Variants in MVP observed in about 807,000 individuals in gnomAD.
MVP encodes major vault protein, also known as lung resistance-related protein.
MVP carries 62 observed loss-of-function variants against 83.5 expected under a neutral mutation model. That is an observed-to-expected ratio of 0.74 (90% confidence interval 0.61 to 0.92). The LOEUF is 0.92. Among genes scored for constraint, MVP ranks in the 40% least tolerant of loss-of-function variants. MVP has a pLI of 0.00. For missense variants in MVP, 1,000 were observed against 1,203.4 expected, an observed-to-expected ratio of 0.83 and a Z score of 2.50; for synonymous variants, 505 against 504.1, an observed-to-expected ratio of 1.00 and a Z score of -0.02.
Position 29,836,973 on chromosome 16 carries a change from C to T in MVP, c.909+15C>T, listed in dbSNP as rs761488821. ...GCGTGGTCAAGGTGAGGTCCCTACA[C>T]CCCCACAGAGGACTGCCCTGGGAGA... On this transcript the variant is annotated intron_variant, in intron 7 of 14. Transcript: ENST00000357402. 2.5e-6 allele frequency: 4 copies of T among 1,597,868 alleles called. No homozygotes were observed. Among genetic ancestry groups the T allele is most frequent in the East Asian group, 4.5e-5 (2 of 44,644 alleles).
intron 6 of MVP, among the ~76,000 whole-genome samples, 187 bp downstream of exon 6, chr16:29,835,985 G>A (rs2067483668): frequency 6.6e-6 from 1 of 152,090 alleles, no homozygotes; most frequent in Non-Finnish European, 1.5e-5. Flanking sequence ...TCTTTCTGGG[G>A]CTGGGCGCAA....
At chr16:29,836,577 TAAA>T (rs35835626) in intron 6 of MVP, 142 bp from the exon 7 acceptor site, 90 of 578,454 alleles carry the variant, frequency 1.6e-4, no homozygotes, top group South Asian at 2.4e-4. Context: ...GACTCCGATT[TAAA>T]AAAAAAAAAA....
At position 29,830,686 on chromosome 16, in the gene MVP, G is replaced by A. The variant is rs755083337; in HGVS notation, c.125+12G>A. 9.9e-6 allele frequency: 16 copies of A among 1,613,510 alleles called. No individual in the cohort carries two copies. The Admixed American group carries it at 1.5e-4, about 15-fold the overall frequency. On this transcript the variant is annotated intron_variant, in intron 2 of 14. Transcript: ENST00000357402. ...CAGGACAATGAGAGGTGGGTGTGGG[G>A]GCTGGGCTGTGGGGGATCCTTGGGG...
rs1018523240 is a variant in MVP, at chr16:29,841,207, C to T, written c.1192-389C>T. ...CCAGCTTGGAATCCGAGGGAGCATC[C>T]GTGTACACAGCCTACTTCACCATCC... On this transcript the variant is annotated intron_variant, in intron 8 of 14. Coordinates refer to ENST00000357402, the MANE Select transcript of MVP (RefSeq NM_005115.5). This position sits in a 1 kb window ranked among gnomAD's most constrained non-coding sequence, Gnocchi z 4.7. Among the ~76,000 whole-genome samples the T allele has an allele frequency of 1.3e-5, 2 of 152,100 alleles. No homozygotes were observed. Among genetic ancestry groups the T allele is most frequent in the African/African-American group, 2.4e-5 (1 of 41,406 alleles).
intron 2 of MVP, 78 bp downstream of exon 2, chr16:29,830,752 C>T: frequency 6.3e-7 from 1 of 1,582,112 alleles, no homozygotes; most frequent in East Asian, 2.2e-5. Context: ...TCCTTATCCT[C>T]CTCCCTCTTC....
chr16:29,826,337 G>C (rs569888072), intron 1 of MVP, among the ~76,000 whole-genome samples: 28 of 152,192 alleles, frequency 1.8e-4, no homozygotes, highest in Non-Finnish European at 3.2e-4. Context: ...TGAGAGCCAA[G>C]ATCCAGGCAT....
rs138970547 is a variant in MVP at position 29,835,747 on chromosome 16, G to A, written c.621G>A (p.Ala207=). ...LVTTVGAYLP[A]VFEEVLDLVD... ...CCACAGTAGGGGCGTACCTCCCAGCGGTGTTTGAGGAGGTTCTGGATTTGG... is the reference window on the plus strand; with the variant it reads ...CCACAGTAGGGGCGTACCTCCCAGCAGTGTTTGAGGAGGTTCTGGATTTGG... Residue 207 remains alanine, a synonymous_variant, in exon 6 of 15, where the codon GCG becomes GCA. Coordinates refer to ENST00000357402, the MANE Select transcript of MVP (RefSeq NM_005115.5). The A allele has an allele frequency of 7.9e-5, 127 of 1,613,932 alleles. No individual in the cohort carries two copies. The highest frequency in any genetic ancestry group is 1.5e-4 in the Admixed American group (9 of 59,968).
At chr16:29,835,847 C>T (rs759606566) in intron 6 of MVP, 49 bp downstream of exon 6, 1 of 1,476,872 alleles carries the variant, frequency 6.8e-7, no homozygotes, top group Non-Finnish European at 9.4e-7. Flanking sequence ...CTAGGGAACC[C>T]TCCGAGTGGC....
chr16:29,830,811 T>C lies in MVP; in HGVS notation c.126-67T>C, dbSNP rs1258033996. 8.3e-6 allele frequency: 13 copies of C among 1,571,036 alleles called. No individual in the cohort carries two copies. In the Admixed American group the frequency reaches 2.3e-4, roughly 28 times the overall value. The stretch of plus-strand genomic sequence containing the variant: ...GGGCGATAGAGAGGTTTCTCTCTCA[T>C]TTGGTGTCCTCTTTGGTAGTGGAGA... On this transcript the variant is annotated intron_variant, in intron 2 of 14. Coordinates refer to ENST00000357402, the MANE Select transcript of MVP (RefSeq NM_005115.5).
intron 1 of MVP, among the ~76,000 whole-genome samples, chr16:29,825,497 C>T (rs952677389): frequency 5.3e-5 from 8 of 152,210 alleles, no homozygotes; most frequent in Non-Finnish European, 1.5e-5. Context: ...TGGCTCACCT[C>T]CATAGATGGC....
chr16:29,828,738 AG>A (rs1339910236), intron 1 of MVP, among the ~76,000 whole-genome samples: 1 of 152,168 alleles, frequency 6.6e-6, no homozygotes, highest in African/African-American at 2.4e-5. Flanking sequence ...GTAAGGCAGC[AG>A]GGGGTGGTGG....
chr16:29,831,455 G>A (rs1383598752), intron 3 of MVP, among the ~76,000 whole-genome samples: 2 of 151,684 alleles, frequency 1.3e-5, no homozygotes, highest in African/African-American at 4.8e-5. Flanking sequence ...TTCCCGGCCT[G>A]TACCGAGTTC....
At chr16:29,845,672 T>C (rs1157868271) in intron 11 of MVP, among the ~76,000 whole-genome samples, 191 bp from the exon 12 acceptor site, 1 of 152,220 alleles carries the variant, frequency 6.6e-6, no homozygotes. Flanking sequence ...CAGTCACGCC[T>C]GCATTTGTCC....
intron 1 of MVP, among the ~76,000 whole-genome samples, chr16:29,826,252 C>G (rs865927090): frequency 1.4e-4 from 22 of 152,302 alleles, no homozygotes; most frequent in Middle Eastern, 6.8e-3. Context: ...TAATGTTATC[C>G]ATTCTCATTT....
At chr16:29,825,349 A>C (rs2067397554) in intron 1 of MVP, among the ~76,000 whole-genome samples, 1 of 152,184 alleles carries the variant, frequency 6.6e-6, no homozygotes, top group Non-Finnish European at 1.5e-5. Context: ...GGTCAACACA[A>C]TCCTTGCTAT....
intron 7 of MVP, among the ~76,000 whole-genome samples, chr16:29,837,940 A>T (rs753283051): frequency 6.6e-6 from 1 of 151,912 alleles, no homozygotes; most frequent in African/African-American, 2.4e-5. Flanking sequence ...TCTCTGAACT[A>T]TATGTGGGAA....
intron 1 of MVP, chr16:29,829,807 G>A (rs1308007846): frequency 2.0e-5 from 3 of 152,214 alleles, no homozygotes; most frequent in East Asian, 1.9e-4. Context: ...AATGCAGCTG[G>A]TTCTATGGAA....
At position 29,844,660 on chromosome 16, in the gene MVP, C is replaced by G. The variant is rs1399827149; in HGVS notation, c.1802C>G (p.Thr601Ser). 1 of 1,614,190 alleles carries G rather than the reference C, an allele frequency of 6.2e-7. No individual in the cohort carries two copies. ...FHKNSARIIRTAVFGFETSEA... is the reference protein window; with the variant it reads ...FHKNSARIIRSAVFGFETSEA... ...AAGAACTCAGCCCGCATCATTCGCA[C>G]TGCTGTCTTTGGCTTTGAGACCTCG... is the stretch of plus-strand genomic sequence containing the variant. The change falls in exon 11 of 15, where the codon ACT becomes AGT. Residue 601 changes from threonine to serine, a missense_variant. Coordinates refer to ENST00000357402, the MANE Select transcript of MVP (RefSeq NM_005115.5).
At chr16:29,835,861 G>A (rs912508089) in intron 6 of MVP, 63 bp downstream of exon 6, 1 of 1,354,570 alleles carries the variant, frequency 7.4e-7, no homozygotes, top group Non-Finnish European at 1.0e-6. Flanking sequence ...GAGTGGCAGA[G>A]AATGGTGGTA....
Sources: gnomAD v4.1 joint callset for allele counts (sites outside exome capture counted in the v4.1 genomes callset) on GRCh38, gnomAD v4.1.1 for gene constraint, Gnocchi (gnomAD v3.1) non-coding constraint, MANE v1.5 for transcripts, NCBI Gene and HGNC (gene_info 2026-07-23, HGNC 2026-07-21) for gene names.